Variants in LRRCC1 observed in about 807,000 individuals in gnomAD.
The protein encoded by LRRCC1 is leucine-rich repeat and coiled-coil domain-containing protein 1.
A neutral mutation model predicts 126.0 loss-of-function variants in LRRCC1; 115 were observed. That is an observed-to-expected ratio of 0.91 (90% CI 0.78 to 1.07). The LOEUF (loss-of-function observed/expected upper bound fraction) is 1.07. LRRCC1 is among the 50% of genes least tolerant of loss of function. The pLI is 0.00. For synonymous variants in LRRCC1, 400 were observed against 393.4 expected (o/e 1.02, Z -0.20); for missense variants, 1,172 against 1,175.7 (o/e 1.00, Z 0.05).
At chr8:85,110,930 G>A (rs904339341) in intron 3 of LRRCC1, among the ~76,000 whole-genome samples, 21 of 151,998 alleles carry the variant, frequency 1.4e-4, no homozygotes, top group African/African-American at 3.9e-4. Context: ...TTCATTTGTC[G>A]ACTCTTCTCC....
intron 6 of LRRCC1, among the ~76,000 whole-genome samples, chr8:85,122,510 A>G (rs575383919): frequency 1.6e-4 from 25 of 152,238 alleles, no homozygotes; most frequent in African/African-American, 6.0e-4. Context: ...GCCTCACTCT[A>G]CTATTAATCT....
In LRRCC1 at chr8:85,145,656, C is replaced by A; in HGVS notation, c.*145C>A. On this transcript the variant is annotated 3_prime_UTR_variant, in exon 19 of 19. Transcript: ENST00000360375. ...GAATATATTTTTAAAGACTTTTGAT[C>A]AAGTATTTATTAATTGTATAGGTTT... 3 of 548,576 alleles carry A rather than the reference C, an allele frequency of 5.5e-6. No individual in the cohort carries two copies. The highest frequency in any genetic ancestry group is 8.1e-6 in the Non-Finnish European group (3 of 372,068). The allele number at this position is 548,576 out of a possible 1,614,324, so 34.0% of individuals were successfully genotyped here. A position where few individuals can be genotyped will look rare whatever the true frequency, so the allele number is the denominator to read the frequency against.
rs56910369 is a variant in LRRCC1, at chr8:85,128,918, C to G, written c.1422-257C>G. Among the ~76,000 whole-genome samples, 1,245 of 152,192 alleles carry G rather than the reference C, an allele frequency of 8.2e-3. 17 individuals carry two copies. Among genetic ancestry groups the G allele is most frequent in the African/African-American group, 0.028 (1,161 of 41,528 alleles). On this transcript the variant is annotated intron_variant, in intron 9 of 18. Transcript: ENST00000360375. ...ATCATCTTAAAAGATGTTGAACTAT[C>G]TCCTCTGTATCCCAAAACTGTTACC...
rs1428030396 is a variant in LRRCC1, at chr8:85,115,171, C to T, written c.616C>T (p.Pro206Ser). 2 of 1,612,864 alleles carry T rather than the reference C, an allele frequency of 1.2e-6. No individual in the cohort carries two copies. Among genetic ancestry groups the T allele is most frequent in the Admixed American group, 3.3e-5 (2 of 59,946 alleles). Residue 206 changes from proline to serine, a missense_variant, in exon 5 of 19, where the codon CCA becomes TCA. Physicochemically the swap from Pro to Ser is moderately conservative, Grantham distance 74. Coordinates refer to ENST00000360375, the MANE Select transcript of LRRCC1 (RefSeq NM_033402.5). ...AGATTGCAAGAACATATTTGGTGAA[C>T]CAGTAAATTTGACAGAAATAAATTC... ...ILDCKNIFGE[P>S]VNLTEINSSQ...
At chr8:85,127,847 A>G (rs769810492) in intron 9 of LRRCC1, among the ~76,000 whole-genome samples, 4 of 152,218 alleles carry the variant, frequency 2.6e-5, no homozygotes, top group African/African-American at 9.6e-5. Flanking sequence ...TTTGTGTTTT[A>G]TAAATGTCTG....
chr8:85,111,490 A>G (rs1808716188), intron 3 of LRRCC1, among the ~76,000 whole-genome samples: 1 of 152,240 alleles, frequency 6.6e-6, no homozygotes, highest in African/African-American at 2.4e-5. Context: ...GTGAATGGAT[A>G]AGATAGTTAA....
chr8:85,127,302 T>A (rs1810090283), intron 9 of LRRCC1, among the ~76,000 whole-genome samples: 1 of 152,048 alleles, frequency 6.6e-6, no homozygotes, highest in East Asian at 1.9e-4. Context: ...CTGGGTTTTT[T>A]GTTTTGTTTT....
At position 85,123,477 on chromosome 8, in the gene LRRCC1, C is replaced by A; in HGVS notation, c.995C>A (p.Thr332Asn). The A allele has an allele frequency of 1.2e-6, 2 of 1,610,574 alleles. No homozygotes were observed. Among genetic ancestry groups the A allele is most frequent in the Non-Finnish European group, 1.7e-6 (2 of 1,178,676 alleles). The stretch of plus-strand genomic sequence containing the variant: ...AGACCAAAAAGAGACACAGATATAA[C>A]TTCTGAAAGTGACTATGGAAACAGA... ...DPRPKRDTDI[T>N]SESDYGNRKE... The change falls in exon 7 of 19, where the codon ACT (threonine) becomes AAT (asparagine). Residue 332 changes from threonine (T) to asparagine (N), a missense_variant. Thr to Asn is a moderately conservative substitution (Grantham distance 65, BLOSUM62 0). Transcript: ENST00000360375.
At chr8:85,137,017 G>C (rs909448050) in intron 14 of LRRCC1, among the ~76,000 whole-genome samples, 1 of 152,048 alleles carries the variant, frequency 6.6e-6, no homozygotes, top group African/African-American at 2.4e-5. Flanking sequence ...AGTAGAGACA[G>C]GGTTTCACCA....
intron 15 of LRRCC1, 109 bp downstream of exon 15, chr8:85,137,736 T>TG (rs1810972291): frequency 1.3e-6 from 1 of 788,590 alleles, no homozygotes; most frequent in African/African-American, 1.8e-5. Context: ...TTGTAAAATT[T>TG]GGGGTAGATA....
At position 85,141,408 on chromosome 8, in the gene LRRCC1, T is replaced by C; in HGVS notation, c.2867T>C (p.Met956Thr). The change falls in exon 18 of 19, where the codon ATG (methionine) becomes ACG (threonine). Residue 956 changes from methionine to threonine, a missense_variant. Transcript: ENST00000360375. ...AATGCAATGGAAAAACTTCATAGTA[T>C]GGATGATGCCTTTAAAAGACAAGTT... is the stretch of plus-strand genomic sequence containing the variant. ...QKNAMEKLHS[M>T]DDAFKRQVDA... is the part of the protein sequence containing the mutation. 1 of 1,612,990 alleles carries C rather than the reference T, an allele frequency of 6.2e-7. No individual in the cohort carries two copies. Among genetic ancestry groups the C allele is most frequent in the Non-Finnish European group, 8.5e-7 (1 of 1,179,268 alleles).
Position 85,123,497 on chromosome 8 carries a change from A to T in LRRCC1, c.1015A>T (p.Asn339Tyr). The stretch of plus-strand genomic sequence containing the variant: ...TATAACTTCTGAAAGTGACTATGGA[A>T]ACAGAAAAGAATGCAATAGAAAAGT... Reference protein sequence around the residue: ...TDITSESDYGNRKECNRKVPR... With the variant: ...TDITSESDYGYRKECNRKVPR... Residue 339 changes from asparagine to tyrosine, a missense_variant, in exon 7 of 19, where the codon AAC (asparagine) becomes TAC (tyrosine). Asn to Tyr is a moderately radical substitution (Grantham distance 143). Coordinates refer to ENST00000360375, the MANE Select transcript of LRRCC1 (RefSeq NM_033402.5). 6.2e-7 allele frequency: 1 copy of T among 1,611,466 alleles called. No individual in the cohort carries two copies. Among genetic ancestry groups the T allele is most frequent in the South Asian group, 1.1e-5 (1 of 90,668 alleles).
In LRRCC1 at chr8:85,107,371, G is replaced by GTA. The variant is rs1231620623; in HGVS notation, c.78_79dup (p.Cys27TyrfsTer16). On this transcript the variant is annotated frameshift_variant, in exon 1 of 19. Transcript: ENST00000360375. LOFTEE classifies it high-confidence loss of function. ...AGACGGCGACAGCAGCTGCGGGGAT[G>GTA]TATGCTTCATGGACAAAGGCTTGCA... 6.2e-7 allele frequency: 1 copy of GTA among 1,613,730 alleles called. No homozygotes were observed. The highest frequency in any genetic ancestry group is 8.5e-7 in the Non-Finnish European group (1 of 1,179,790).
chr8:85,138,071 C>T lies in LRRCC1; in HGVS notation c.2530C>T (p.Gln844Ter), dbSNP rs1246204837. The change falls in exon 16 of 19, where the codon CAA (glutamine) becomes TAA (stop). Residue 844 changes from glutamine (Q) to a stop codon, truncating the protein, a stop_gained. Coordinates refer to ENST00000360375, the MANE Select transcript of LRRCC1 (RefSeq NM_033402.5). LOFTEE classifies it high-confidence loss of function. ...QEKDEHIKRL[Q>*]EKITEIEKCT... ...AAAAGATGAACACATCAAAAGATTA[C>T]AAGAAAAGATCACAGAAATAGAAAA... 2 of 1,589,326 alleles carry T rather than the reference C, an allele frequency of 1.3e-6. No individual in the cohort carries two copies. The highest frequency in any genetic ancestry group is 1.7e-6 in the Non-Finnish European group (2 of 1,167,914).
intron 17 of LRRCC1, among the ~76,000 whole-genome samples, chr8:85,139,156 G>A (rs1811077557): frequency 6.6e-6 from 1 of 152,308 alleles, no homozygotes; most frequent in East Asian, 1.9e-4. Context: ...TGTTGAAAGT[G>A]GAATTTAGAG....
chr8:85,139,582 G>C (rs188980703), intron 17 of LRRCC1, among the ~76,000 whole-genome samples: 15 of 152,228 alleles, frequency 9.9e-5, no homozygotes, highest in Admixed American at 4.6e-4. Flanking sequence ...CGATTTTAAA[G>C]AGAGGAAATA....
chr8:85,141,594 A>G (rs1169520287), intron 18 of LRRCC1, 77 bp downstream of exon 18: 1 of 1,155,524 alleles, frequency 8.7e-7, no homozygotes, highest in Admixed American at 2.8e-5. Flanking sequence ...TTCGAGAATT[A>G]TAAAGAGAAA....
intron 7 of LRRCC1, 67 bp downstream of exon 7, chr8:85,123,673 C>A: frequency 1.7e-6 from 2 of 1,195,072 alleles, no homozygotes; most frequent in South Asian, 1.6e-5. Context: ...TCTCTTGAAG[C>A]TATCTCTTGG....
chr8:85,121,927 G>C (rs894660364), intron 6 of LRRCC1, among the ~76,000 whole-genome samples: 5 of 152,098 alleles, frequency 3.3e-5, no homozygotes, highest in Admixed American at 3.3e-4. Flanking sequence ...ATTTCCATCT[G>C]GTGTTATATT....
Sources: allele counts gnomAD v4.1 joint callset (sites outside exome capture counted in the v4.1 genomes callset), GRCh38; gene constraint gnomAD v4.1.1; transcripts MANE v1.5; gene names NCBI Gene and HGNC (gene_info 2026-07-23, HGNC 2026-07-21).